OLFM3: variants seen among roughly 807,000 people sequenced by gnomAD.
The protein encoded by OLFM3 is noelin-3.
OLFM3 carries 20 observed loss-of-function variants against 48.6 expected under a neutral mutation model. The ratio of observed to expected loss-of-function variants is 0.41; its 90% CI spans 0.29 to 0.60. The LOEUF (loss-of-function observed/expected upper bound fraction) is 0.60. Among genes scored for constraint, OLFM3 ranks in the 20% least tolerant of loss-of-function variants. The pLI is 0.28. For missense variants in OLFM3, 437 were observed against 544.3 expected (o/e 0.80, Z 1.96); for synonymous variants, 222 against 198.1 (o/e 1.12, Z -1.01).
At chr1:101,945,001 C>T (rs1263586491) in intron 1 of OLFM3, among the ~76,000 whole-genome samples, 1 of 152,134 alleles carries the variant, frequency 6.6e-6, no homozygotes, top group Non-Finnish European at 1.5e-5. Context: ...TATACCACTA[C>T]ACACATTTAG....
Position 101,804,873 on chromosome 1 carries a change from C to T in OLFM3, c.742G>A (p.Glu248Lys). 6.2e-7 allele frequency: 1 copy of T among 1,611,956 alleles called. No homozygotes were observed. Among genetic ancestry groups the T allele is most frequent in the Non-Finnish European group, 8.5e-7 (1 of 1,178,818 alleles). The change falls in exon 6 of 6, where the codon GAA (glutamate) becomes AAA (lysine). Residue 248 changes from glutamate to lysine, a missense_variant. Physicochemically the swap from Glu to Lys is moderately conservative, Grantham distance 56 (BLOSUM62 1). Around this residue, in one of 3 missense-constraint regions of OLFM3, gnomAD observed 314 missense variants for 365.5 expected, o/e 0.86. Coordinates refer to ENST00000370103, the MANE Select transcript of OLFM3 (RefSeq NM_058170.4). This position sits in a 1 kb window ranked among gnomAD's most constrained non-coding sequence, Gnocchi z 4.5. Reference sequence around the variant, plus strand: ...ACAAAGTCTGCAATTGATTTGTATTCACGAACAATTTTATTGTTAGTATAA... The same window carrying T: ...ACAAAGTCTGCAATTGATTTGTATTTACGAACAATTTTATTGTTAGTATAA... Reference protein sequence around the residue: ...DSYTNNKIVREYKSIADFVSG... With the variant: ...DSYTNNKIVRKYKSIADFVSG...
At chr1:101,818,199 G>A (rs1654427141) in intron 4 of OLFM3, among the ~76,000 whole-genome samples, 1 of 152,024 alleles carries the variant, frequency 6.6e-6, no homozygotes, top group South Asian at 2.1e-4. Context: ...GACAACTTGT[G>A]TTATGAAATC....
intron 1 of OLFM3, among the ~76,000 whole-genome samples, chr1:101,913,599 A>T (rs1285011408): frequency 1.3e-5 from 2 of 152,026 alleles, no homozygotes; most frequent in Admixed American, 6.6e-5. Context: ...GAGGTATTTA[A>T]GTAAAGAAGA....
At chr1:101,859,742 A>G (rs1457726866) in intron 1 of OLFM3, 1 of 152,132 alleles carries the variant, frequency 6.6e-6, no homozygotes, top group Non-Finnish European at 1.5e-5. Context: ...TATATAACAG[A>G]AAGTGTTTAA....
Position 101,803,368 on chromosome 1 carries a change from T to C in OLFM3, c.*870A>G, listed in dbSNP as rs41287300. The C allele has an allele frequency of 0.015, 2,250 of 152,224 alleles. 28 individuals are homozygous for C. The highest frequency in any genetic ancestry group is 0.024 in the Non-Finnish European group (1,599 of 67,792). The allele number at this position is 152,224 out of a possible 1,614,324, so 9.4% of individuals were successfully genotyped here. A position where few individuals can be genotyped will look rare whatever the true frequency, so the allele number is the denominator to read the frequency against. On this transcript the variant is annotated 3_prime_UTR_variant, in exon 6 of 6. Transcript: ENST00000370103. ...GATGCACCTTGTGCAAGAAACTATA[T>C]GGGTTGCATTCAGTGGAGTGAACAG... is the stretch of plus-strand genomic sequence containing the variant.
intron 3 of OLFM3, among the ~76,000 whole-genome samples, chr1:101,830,129 C>A (rs12122825): frequency 6.6e-6 from 1 of 152,068 alleles, no homozygotes; most frequent in African/African-American, 2.4e-5. Flanking sequence ...TGAGCCACCA[C>A]GCCCGGCCGA....
Position 101,866,377 on chromosome 1 carries a change from A to G in OLFM3, c.70-29352T>C, listed in dbSNP as rs538942827. 3.9e-5 allele frequency among the ~76,000 whole-genome samples: 6 copies of G among 152,036 alleles called. No homozygotes were observed. In the South Asian group the frequency reaches 1.0e-3, roughly 26 times the overall value. On this transcript the variant is annotated intron_variant, in intron 1 of 5. Coordinates refer to ENST00000370103, the MANE Select transcript of OLFM3 (RefSeq NM_058170.4). ...ACCAAAATAAAATATCTTCAATATTATTGTTCAAACACTGCAATTTATGTA... is the reference window on the plus strand; with the variant it reads ...ACCAAAATAAAATATCTTCAATATTGTTGTTCAAACACTGCAATTTATGTA...
At chr1:101,934,911 T>A (rs1026111609) in intron 1 of OLFM3, among the ~76,000 whole-genome samples, 4 of 152,042 alleles carry the variant, frequency 2.6e-5, no homozygotes, top group Non-Finnish European at 5.9e-5. Flanking sequence ...AGAAATTATT[T>A]GAAACTAATG....
chr1:101,830,618 C>T lies in OLFM3; in HGVS notation c.372+54G>A. On this transcript the variant is annotated intron_variant, in intron 3 of 5. Transcript: ENST00000370103. ...TTCTAGCTGAGTGCCCCACTGCTGT[C>T]CATCCCACTCCATGTCTGATTTGGA... The T allele has an allele frequency of 3.1e-6, 5 of 1,595,500 alleles. No homozygotes were observed. In the Admixed American group the frequency reaches 5.0e-5, roughly 16 times the overall value.
intron 1 of OLFM3, among the ~76,000 whole-genome samples, chr1:101,978,781 A>G (rs1279749466): frequency 6.6e-6 from 1 of 152,082 alleles, no homozygotes; most frequent in African/African-American, 2.4e-5. Context: ...TCATTCTATT[A>G]TATCATCCCA....
At chr1:101,933,201 C>CAAAAA (rs761881274) in intron 1 of OLFM3, among the ~76,000 whole-genome samples, 4 of 40,122 alleles carry the variant, frequency 1.0e-4, no homozygotes, top group African/African-American at 1.8e-4. Flanking sequence ...GACTCCATCT[C>CAAAAA]AAAAAAAAAA....
chr1:101,981,685 A>T (rs1661110165), intron 1 of OLFM3, among the ~76,000 whole-genome samples: 1 of 152,198 alleles, frequency 6.6e-6, no homozygotes, highest in Non-Finnish European at 1.5e-5. Context: ...CAAACTCCTG[A>T]TCTTCTCTCT....
chr1:101,905,751 A>G (rs1433528762), intron 1 of OLFM3, among the ~76,000 whole-genome samples: 1 of 152,134 alleles, frequency 6.6e-6, no homozygotes, highest in East Asian at 1.9e-4. Context: ...TTTTCAAGGC[A>G]GAGTTACTGG....
chr1:101,873,935 T>C (rs1657190691), intron 1 of OLFM3, among the ~76,000 whole-genome samples: 1 of 151,896 alleles, frequency 6.6e-6, no homozygotes, highest in East Asian at 1.9e-4. Context: ...TTAAAATAAT[T>C]AATCTCCAAC....
chr1:101,817,247 C>T (rs781403730), intron 4 of OLFM3, among the ~76,000 whole-genome samples: 13 of 152,090 alleles, frequency 8.5e-5, no homozygotes, highest in Non-Finnish European at 1.6e-4. Context: ...GACAAATGTT[C>T]CTGCAAAGGT....
chr1:101,824,931 TA>T, intron 4 of OLFM3, 94 bp downstream of exon 4: 1 of 1,057,120 alleles, frequency 9.5e-7, no homozygotes. Context: ...TCTTTACAAT[TA>T]GATATTTTAT....
At chr1:101,881,783 A>AT (rs199813118) in intron 1 of OLFM3, among the ~76,000 whole-genome samples, 98 of 146,300 alleles carry the variant, frequency 6.7e-4, no homozygotes, top group Middle Eastern at 3.5e-3. Context: ...TTTTGAAGTG[A>AT]TTTTTTTTTT....
intron 1 of OLFM3, among the ~76,000 whole-genome samples, chr1:101,950,494 A>T (rs1213239177): frequency 6.7e-6 from 1 of 149,190 alleles, no homozygotes; most frequent in Non-Finnish European, 1.5e-5. Context: ...GCTGGAGTGC[A>T]GTGGCGCCAT....
At chr1:101,990,902 G>A (rs1188785599) in intron 1 of OLFM3, among the ~76,000 whole-genome samples, 2 of 145,162 alleles carry the variant, frequency 1.4e-5, no homozygotes, top group South Asian at 2.3e-4. Flanking sequence ...GGAGAATGGC[G>A]TGAACCCAGG....
Sources: allele counts gnomAD v4.1 joint callset (sites outside exome capture counted in the v4.1 genomes callset), GRCh38; gene constraint gnomAD v4.1.1; regional missense constraint gnomAD v4.1.1; non-coding constraint Gnocchi (gnomAD v3.1); transcripts MANE v1.5; gene names NCBI Gene and HGNC (gene_info 2026-07-23, HGNC 2026-07-21).